KAZN: variants seen among roughly 807,000 people sequenced by gnomAD.
The protein encoded by KAZN is kazrin.
Under a neutral mutation model 87.4 loss-of-function variants are expected in KAZN, and 40 were observed. The ratio of observed to expected loss-of-function variants is 0.46; its 90% CI spans 0.36 to 0.60. The LOEUF (loss-of-function observed/expected upper bound fraction) is 0.60, where lower values mean the gene tolerates loss of function less well. Ranked by LOEUF, KAZN falls within the 20% of genes least tolerant of loss-of-function variation. The pLI is 0.00. For synonymous variants in KAZN, 466 were observed against 458.3 expected, an observed-to-expected ratio of 1.02 and a Z score of -0.22; for missense variants, 898 against 1,073.9, an observed-to-expected ratio of 0.84 and a Z score of 2.29.
At chr1:14,424,753 T>G (rs1276474755) in intron 2 of KAZN, among the ~76,000 whole-genome samples, 1 of 152,176 alleles carries the variant, frequency 6.6e-6, no homozygotes, top group Non-Finnish European at 1.5e-5. Flanking sequence ...TATTCCTATC[T>G]CCTACATCTT....
chr1:13,954,494 AG>A (rs1641468722), intron 1 of KAZN, among the ~76,000 whole-genome samples: 1 of 152,246 alleles, frequency 6.6e-6, no homozygotes, highest in Non-Finnish European at 1.5e-5. Flanking sequence ...GAGTGCATGC[AG>A]AATGGATTTT....
At chr1:14,927,391 G>A (rs1304774449) in intron 1 of KAZN, among the ~76,000 whole-genome samples, 1 of 152,214 alleles carries the variant, frequency 6.6e-6, no homozygotes, top group East Asian at 1.9e-4. Flanking sequence ...TCTGTGGGAG[G>A]AGATTTCCAG....
intron 1 of KAZN, among the ~76,000 whole-genome samples, chr1:14,845,614 C>G (rs1396086059): frequency 6.6e-6 from 1 of 151,362 alleles, no homozygotes; most frequent in Admixed American, 6.6e-5. Context: ...ACAATTCCTT[C>G]CTTCAGTTTT....
chr1:15,105,847 C>T (rs1355153623), intron 13 of KAZN, among the ~76,000 whole-genome samples: 3 of 152,310 alleles, frequency 2.0e-5, no homozygotes, highest in Admixed American at 1.3e-4. Context: ...ACCCTTGCAG[C>T]AGAATCATTG....
chr1:14,013,453 CA>C (rs1640416010), intron 1 of KAZN, among the ~76,000 whole-genome samples: 1 of 152,058 alleles, frequency 6.6e-6, no homozygotes, highest in Non-Finnish European at 1.5e-5. Context: ...GACAACCCCC[CA>C]GAGGTTTTCT....
intron 1 of KAZN, among the ~76,000 whole-genome samples, chr1:14,945,373 C>T (rs1661637092): frequency 6.6e-6 from 1 of 152,140 alleles, no homozygotes; most frequent in Non-Finnish European, 1.5e-5. Context: ...CCGGAAGGGC[C>T]CTCCCCTCTG....
intron 1 of KAZN, among the ~76,000 whole-genome samples, chr1:13,955,454 G>A (rs998296989): frequency 6.6e-6 from 1 of 151,832 alleles, no homozygotes; most frequent in Admixed American, 6.5e-5. Context: ...TTTTTTTAAA[G>A]TATATTTTTG....
chr1:14,263,440 G>A (rs1398423053), intron 2 of KAZN, among the ~76,000 whole-genome samples: 1 of 152,156 alleles, frequency 6.6e-6, no homozygotes, highest in African/African-American at 2.4e-5. Context: ...AGGATAATTG[G>A]GGAGGCTGAG....
chr1:14,202,386 A>G lies in KAZN; in HGVS notation c.249+21794A>G, dbSNP rs150645345. Among the ~76,000 whole-genome samples the G allele has an allele frequency of 3.4e-3, 518 of 152,340 alleles. 9 individuals are homozygous for G. The highest frequency in any genetic ancestry group is 1.3e-3 in the Non-Finnish European group (86 of 68,032). On this transcript the variant is annotated intron_variant, in intron 2 of 16. Coordinates refer to the KAZN transcript ENST00000636203. The stretch of plus-strand genomic sequence containing the variant: ...TAAATATGTGACTAGCTGAGACAGC[A>G]TTACCAACCTGGTCTCGCCTGGTGT...
At chr1:14,202,456 G>C (rs1255375405) in intron 2 of KAZN, among the ~76,000 whole-genome samples, 1 of 152,212 alleles carries the variant, frequency 6.6e-6, no homozygotes, top group African/African-American at 2.4e-5. Flanking sequence ...AGCTTCTCCT[G>C]TATTGGAGGA....
intron 1 of KAZN, among the ~76,000 whole-genome samples, chr1:14,695,771 T>C (rs60126377): frequency 0.041 from 6,242 of 152,064 alleles, 431 homozygotes; most frequent in African/African-American, 0.14. Flanking sequence ...CCCAAAGTGC[T>C]GGGATTACAG....
chr1:13,901,949 G>A (rs1469625874), intron 1 of KAZN, among the ~76,000 whole-genome samples: 1 of 152,238 alleles, frequency 6.6e-6, no homozygotes, highest in Non-Finnish European at 1.5e-5. Context: ...GCCTGGCAGG[G>A]GATGTGGATA....
chr1:14,934,068 G>T (rs1258616460), intron 1 of KAZN, among the ~76,000 whole-genome samples: 7 of 151,234 alleles, frequency 4.6e-5, no homozygotes, highest in Non-Finnish European at 1.0e-4. Context: ...TGTTATCCAG[G>T]ATGGTCTCGA....
At chr1:14,498,314 C>A (rs1670061085) in intron 2 of KAZN, among the ~76,000 whole-genome samples, 1 of 152,242 alleles carries the variant, frequency 6.6e-6, no homozygotes, top group Non-Finnish European at 1.5e-5. Flanking sequence ...CTTTCTCCAG[C>A]CTTCTCCTGC....
intron 1 of KAZN, among the ~76,000 whole-genome samples, chr1:14,720,154 C>A (rs1012375506): frequency 6.6e-6 from 1 of 152,222 alleles, no homozygotes; most frequent in African/African-American, 2.4e-5. Context: ...CACTTGTCAA[C>A]ATGACAAGAG....
At chr1:14,328,035 C>G (rs1224094186) in intron 2 of KAZN, among the ~76,000 whole-genome samples, 1 of 152,132 alleles carries the variant, frequency 6.6e-6, no homozygotes. Flanking sequence ...ACAAAAATGT[C>G]TGTGGCTCAT....
intron 1 of KAZN, among the ~76,000 whole-genome samples, chr1:14,668,464 C>G (rs1639716742): frequency 6.6e-6 from 1 of 152,006 alleles, no homozygotes; most frequent in Non-Finnish European, 1.5e-5. Context: ...TCTCCTCACC[C>G]AAGTGCTGAG....
At chr1:14,429,889 A>C (rs1665946845) in intron 2 of KAZN, among the ~76,000 whole-genome samples, 1 of 152,072 alleles carries the variant, frequency 6.6e-6, no homozygotes, top group African/African-American at 2.4e-5. Context: ...GTGGGACATA[A>C]ATCCATTTCA....
intron 2 of KAZN, among the ~76,000 whole-genome samples, chr1:15,026,999 T>A (rs1671228298): frequency 6.6e-6 from 1 of 150,446 alleles, no homozygotes; most frequent in Admixed American, 6.6e-5. Flanking sequence ...TTGACTGTAC[T>A]GTCAGCTGCC....
Sources: gnomAD v4.1 joint callset for allele counts (sites outside exome capture counted in the v4.1 genomes callset) on GRCh38, gnomAD v4.1.1 for gene constraint, MANE v1.5 for transcripts, NCBI Gene and HGNC (gene_info 2026-07-23, HGNC 2026-07-21) for gene names.